GTF2IRD1: variants seen among roughly 807,000 people sequenced by gnomAD.
GTF2IRD1 encodes GTF2I repeat domain containing 1.
A neutral mutation model predicts 113.2 loss-of-function variants in GTF2IRD1; 26 were observed. That is an observed-to-expected ratio of 0.23 (90% confidence interval 0.17 to 0.32). The LOEUF is 0.32. Among genes scored for constraint, GTF2IRD1 ranks in the 10% least tolerant of loss-of-function variants. The pLI is 1.00. For synonymous variants in GTF2IRD1, 484 were observed against 529.1 expected (o/e 0.91, Z 1.17); for missense variants, 864 against 1,280.8 (o/e 0.67, Z 4.97).
At chr7:74,590,466 G>T (rs782340209) in intron 23 of GTF2IRD1, among the ~76,000 whole-genome samples, 22 of 151,216 alleles carry the variant, frequency 1.5e-4, no homozygotes, top group Non-Finnish European at 3.1e-4. Flanking sequence ...TCCACTCACT[G>T]CAAGCTCCAC....
chr7:74,558,929 G>A lies in GTF2IRD1; in HGVS notation c.2176G>A (p.Val726Met), dbSNP rs376087010. The change falls in exon 21 of 27, where the codon GTG becomes ATG. Residue 726 changes from valine (V) to methionine (M), a missense_variant. Coordinates refer to ENST00000424337, the MANE Select transcript of GTF2IRD1 (RefSeq NM_005685.4). ...YKRIKSNPGS[V>M]IIEGLPPGIP... is the part of the protein sequence containing the mutation. ...GCGGATCAAGAGTAACCCCGGCTCC[G>A]TGATCATCGAGGGGCTGCCCCCAGG... 1.6e-5 allele frequency: 26 copies of A among 1,613,938 alleles called. No individual in the cohort carries two copies. Among genetic ancestry groups the A allele is most frequent in the Middle Eastern group, 1.6e-4 (1 of 6,084 alleles).
chr7:74,601,578 G>A (rs987313457), intron 26 of GTF2IRD1: 2 of 903,692 alleles, frequency 2.2e-6, no homozygotes, highest in East Asian at 6.2e-5. Flanking sequence ...TTTGAGACCA[G>A]GCTGACCAAC....
intron 8 of GTF2IRD1, among the ~76,000 whole-genome samples, chr7:74,529,492 G>T (rs926424311): frequency 6.6e-6 from 1 of 152,154 alleles, no homozygotes; most frequent in Non-Finnish European, 1.5e-5. Context: ...CTGGGCTCAA[G>T]CCATCTGTCC....
intron 25 of GTF2IRD1, among the ~76,000 whole-genome samples, chr7:74,600,048 C>T (rs1384042348): frequency 6.6e-6 from 1 of 152,182 alleles, no homozygotes; most frequent in Admixed American, 6.6e-5. Context: ...TGGAGGGTTG[C>T]TGGGAGGATC....
chr7:74,525,620 G>C (rs1554347075), intron 8 of GTF2IRD1, among the ~76,000 whole-genome samples: 1 of 152,102 alleles, frequency 6.6e-6, no homozygotes, highest in African/African-American at 2.4e-5. Context: ...GCGTGGCATG[G>C]TGGCATGCAC....
chr7:74,571,004 G>C, intron 22 of GTF2IRD1: 1 of 710,192 alleles, frequency 1.4e-6, no homozygotes, highest in Non-Finnish European at 1.7e-6. Context: ...GGCTCTCCCC[G>C]GACCCAGGCC....
At chr7:74,519,142 A>G (rs587773332) in intron 5 of GTF2IRD1, among the ~76,000 whole-genome samples, 1 of 152,328 alleles carries the variant, frequency 6.6e-6, no homozygotes. Flanking sequence ...GAGGCAATCA[A>G]CCGCACCTGG....
At chr7:74,570,293 G>A (rs1268777062) in intron 22 of GTF2IRD1, among the ~76,000 whole-genome samples, 2 of 151,446 alleles carry the variant, frequency 1.3e-5, no homozygotes, top group South Asian at 2.1e-4. Context: ...AACCTGAGAC[G>A]CAGAGGTTGC....
At position 74,546,156 on chromosome 7, in the gene GTF2IRD1, AATAAG is replaced by A. The variant is rs587756376; in HGVS notation, c.1732+357_1732+361del. The stretch of plus-strand genomic sequence containing the variant: ...GGTCCTCAAGAAGACTCATAATAAG[AATAAG>A]ATAAGATAACCTCAGTGGTGTGCCG... On this transcript the variant is annotated intron_variant, in intron 16 of 26. Transcript: ENST00000424337. Among the ~76,000 whole-genome samples, 408 of 151,600 alleles carry A rather than the reference AATAAG, an allele frequency of 2.7e-3. 10 individuals carry two copies. Among genetic ancestry groups the A allele is most frequent in the Non-Finnish European group, 1.4e-3 (95 of 67,970 alleles).
At chr7:74,523,016 G>A (rs138826145) in intron 7 of GTF2IRD1, among the ~76,000 whole-genome samples, 2 of 152,298 alleles carry the variant, frequency 1.3e-5, no homozygotes, top group Non-Finnish European at 2.9e-5. Flanking sequence ...TGCTGAGTGA[G>A]ACCTCAGATG....
chr7:74,601,207 G>A (rs1554373973), intron 26 of GTF2IRD1, 27 bp downstream of exon 26: 40 of 1,557,588 alleles, frequency 2.6e-5, no homozygotes, highest in Non-Finnish European at 3.5e-5. Flanking sequence ...TTGGACTCCG[G>A]CACTCATCTC....
At chr7:74,540,553 G>C (rs1219971215) in intron 14 of GTF2IRD1, among the ~76,000 whole-genome samples, 1 of 152,000 alleles carries the variant, frequency 6.6e-6, no homozygotes, top group Non-Finnish European at 1.5e-5. Flanking sequence ...TTGTGTACCA[G>C]GTCCTGTGTA....
At chr7:74,563,028 G>A (rs1345153586) in intron 22 of GTF2IRD1, among the ~76,000 whole-genome samples, 1 of 152,154 alleles carries the variant, frequency 6.6e-6, no homozygotes, top group Non-Finnish European at 1.5e-5. Context: ...CTTTATCTGA[G>A]TCCATTTTGG....
intron 1 of GTF2IRD1, among the ~76,000 whole-genome samples, chr7:74,476,984 T>A (rs1794452145): frequency 6.6e-6 from 1 of 152,044 alleles, no homozygotes; most frequent in South Asian, 2.1e-4. Context: ...AGGATGTGGG[T>A]AGGCCCAAGA....
chr7:74,584,794 G>T (rs1485134541), intron 22 of GTF2IRD1, among the ~76,000 whole-genome samples: 1 of 152,012 alleles, frequency 6.6e-6, no homozygotes, highest in Admixed American at 6.6e-5. Context: ...GTTTGTTTGG[G>T]TTTTTTGTGT....
At chr7:74,585,111 T>G (rs1344363883) in intron 22 of GTF2IRD1, among the ~76,000 whole-genome samples, 4 of 131,478 alleles carry the variant, frequency 3.0e-5, no homozygotes, top group African/African-American at 5.7e-5. Context: ...CTGTTTGGTG[T>G]TTTTTTTTTT....
At chr7:74,499,465 AGAAG>A (rs1398336348) in intron 1 of GTF2IRD1, among the ~76,000 whole-genome samples, 20 of 152,100 alleles carry the variant, frequency 1.3e-4, no homozygotes, top group East Asian at 5.8e-4. Context: ...AAGGAAGGAA[AGAAG>A]GAAGGAAGGA....
At chr7:74,577,098 C>T (rs797025059) in intron 22 of GTF2IRD1, among the ~76,000 whole-genome samples, 14 of 152,132 alleles carry the variant, frequency 9.2e-5, no homozygotes, top group Middle Eastern at 3.4e-3. Flanking sequence ...AGTGCAGTGG[C>T]GCAATCTCGG....
In GTF2IRD1 at chr7:74,508,222, C is replaced by A; in HGVS notation, c.123+19C>A. 1 of 1,607,442 alleles carries A rather than the reference C, an allele frequency of 6.2e-7. No individual in the cohort carries two copies. Among genetic ancestry groups the A allele is most frequent in the South Asian group, 1.1e-5 (1 of 90,672 alleles). Reference sequence around the variant, plus strand: ...CTCCATGGTGAGTGTCCCCACCCACCCAAGAGGAGGGGACAGGGTGAGCGT... The same window carrying A: ...CTCCATGGTGAGTGTCCCCACCCACACAAGAGGAGGGGACAGGGTGAGCGT... On this transcript the variant is annotated intron_variant, in intron 2 of 26. Transcript: ENST00000424337.
Sources: gnomAD v4.1 joint callset for allele counts (sites outside exome capture counted in the v4.1 genomes callset) on GRCh38, gnomAD v4.1.1 for gene constraint, MANE v1.5 for transcripts, NCBI Gene and HGNC (gene_info 2026-07-23, HGNC 2026-07-21) for gene names.